The following GMDS variants were observed in gnomAD, a reference collection of about 807,000 sequenced individuals.
GMDS encodes GDP-mannose 4,6 dehydratase.
Under a neutral mutation model 49.9 loss-of-function variants are expected in GMDS, and 20 were observed. That is an observed-to-expected ratio of 0.40 (90% CI 0.28 to 0.58). GMDS has a LOEUF of 0.58. Ranked by LOEUF, GMDS falls within the 20% of genes least tolerant of loss-of-function variation. GMDS has a pLI of 0.42. For missense variants in GMDS, 362 were observed against 481.4 expected (o/e 0.75, Z 2.32); for synonymous variants, 177 against 178.6 (o/e 0.99, Z 0.07).
chr6:1,861,225 C>G (rs1758167980), intron 7 of GMDS, among the ~76,000 whole-genome samples: 1 of 152,220 alleles, frequency 6.6e-6, no homozygotes, highest in African/African-American at 2.4e-5. Context: ...CGACTGACAT[C>G]TCTAAAGTTC....
chr6:1,681,692 C>A (rs561152172), intron 9 of GMDS, among the ~76,000 whole-genome samples: 2 of 152,330 alleles, frequency 1.3e-5, no homozygotes, highest in South Asian at 4.1e-4. Context: ...TGCCGTGAAT[C>A]TGATTTTCAA....
chr6:1,837,153 G>A (rs1465851625), intron 7 of GMDS, among the ~76,000 whole-genome samples: 2 of 152,286 alleles, frequency 1.3e-5, no homozygotes, highest in African/African-American at 4.8e-5. Context: ...TTAGGGAAAA[G>A]ACAACCAATT....
At chr6:2,195,092 A>C (rs577006773) in intron 1 of GMDS, among the ~76,000 whole-genome samples, 1 of 152,368 alleles carries the variant, frequency 6.6e-6, no homozygotes, top group African/African-American at 2.4e-5. Context: ...CAAGGGTAAA[A>C]TCATAGTAAT....
chr6:1,884,021 G>A (rs59514691), intron 7 of GMDS, among the ~76,000 whole-genome samples: 1 of 152,090 alleles, frequency 6.6e-6, no homozygotes, highest in Non-Finnish European at 1.5e-5. Flanking sequence ...TTTTTAACTA[G>A]TAAAGATTTT....
chr6:1,687,413 G>A (rs528809838), intron 9 of GMDS, among the ~76,000 whole-genome samples: 5 of 152,224 alleles, frequency 3.3e-5, no homozygotes, highest in Non-Finnish European at 7.3e-5. Context: ...GATCAGACAG[G>A]TGGTAGGTAT....
intron 1 of GMDS, among the ~76,000 whole-genome samples, chr6:2,179,637 T>A (rs750537082): frequency 3.3e-5 from 5 of 152,154 alleles, no homozygotes; most frequent in Non-Finnish European, 7.3e-5. Context: ...CTTCTCAGCC[T>A]CCAGAATTTG....
At chr6:1,686,031 G>A (rs936336283) in intron 9 of GMDS, among the ~76,000 whole-genome samples, 44 of 152,162 alleles carry the variant, frequency 2.9e-4, no homozygotes, top group African/African-American at 1.1e-3. Context: ...GAGACAAGAA[G>A]TCGCTCCACA....
At chr6:1,967,956 G>A (rs779221518) in intron 4 of GMDS, among the ~76,000 whole-genome samples, 17 of 152,180 alleles carry the variant, frequency 1.1e-4, no homozygotes, top group Non-Finnish European at 1.6e-4. Flanking sequence ...GAAAGTTCAC[G>A]TGTCAATTCT....
At chr6:2,114,873 G>A (rs1478227292) in intron 4 of GMDS, among the ~76,000 whole-genome samples, 1 of 151,906 alleles carries the variant, frequency 6.6e-6, no homozygotes, top group East Asian at 1.9e-4. Context: ...TGCAAACATG[G>A]GGATACAGAA....
intron 8 of GMDS, among the ~76,000 whole-genome samples, chr6:1,734,882 G>C (rs957269687): frequency 7.2e-5 from 11 of 152,174 alleles, no homozygotes; most frequent in African/African-American, 2.7e-4. Flanking sequence ...GTAACAAGAA[G>C]ACAAGACCAG....
intron 1 of GMDS, among the ~76,000 whole-genome samples, chr6:2,182,514 T>A (rs1412481792): frequency 1.3e-5 from 2 of 152,214 alleles, no homozygotes; most frequent in African/African-American, 4.8e-5. Flanking sequence ...CTCTCTTGTT[T>A]GGGACTAATC....
chr6:2,223,162 C>T (rs1000838304), intron 1 of GMDS, among the ~76,000 whole-genome samples: 13 of 150,492 alleles, frequency 8.6e-5, no homozygotes, highest in African/African-American at 3.2e-4. Context: ...TATATATATA[C>T]ACACATATAT....
At chr6:2,056,473 C>T (rs547069317) in intron 4 of GMDS, among the ~76,000 whole-genome samples, 13 of 152,266 alleles carry the variant, frequency 8.5e-5, no homozygotes, top group African/African-American at 3.1e-4. Flanking sequence ...TAATGTCAGA[C>T]TCTGACAGAT....
chr6:1,689,882 A>G (rs546932803), intron 9 of GMDS, among the ~76,000 whole-genome samples: 1 of 143,766 alleles, frequency 7.0e-6, no homozygotes, highest in South Asian at 2.4e-4. Flanking sequence ...GGCTTACAAC[A>G]GCATAGAAAA....
At chr6:1,769,715 T>A (rs892501219) in intron 7 of GMDS, among the ~76,000 whole-genome samples, 5 of 152,166 alleles carry the variant, frequency 3.3e-5, no homozygotes, top group African/African-American at 7.2e-5. Flanking sequence ...TTTTATTTTT[T>A]TTTTTGAGAC....
intron 4 of GMDS, among the ~76,000 whole-genome samples, chr6:1,990,099 A>G (rs771129918): frequency 9.9e-5 from 15 of 152,208 alleles, no homozygotes; most frequent in Admixed American, 5.9e-4. Flanking sequence ...GATCGAGACC[A>G]TCTTGGCTAA....
chr6:1,899,997 T>G (rs1184084895), intron 7 of GMDS, among the ~76,000 whole-genome samples: 2 of 151,492 alleles, frequency 1.3e-5, no homozygotes, highest in Non-Finnish European at 2.9e-5. Flanking sequence ...GTGGAGACCT[T>G]CCACAGGGCA....
chr6:1,813,472 T>C (rs1770531309), intron 7 of GMDS, among the ~76,000 whole-genome samples: 1 of 152,136 alleles, frequency 6.6e-6, no homozygotes, highest in Non-Finnish European at 1.5e-5. Flanking sequence ...GAAAAAGAAA[T>C]AACTTTTTGA....
At chr6:1,667,996 G>A (rs1764289215) in intron 9 of GMDS, among the ~76,000 whole-genome samples, 1 of 152,166 alleles carries the variant, frequency 6.6e-6, no homozygotes, top group Admixed American at 6.5e-5. Context: ...CGGGAGTCTG[G>A]CCTATGCACA....
Sources: allele counts gnomAD v4.1 joint callset (sites outside exome capture counted in the v4.1 genomes callset), GRCh38; gene constraint gnomAD v4.1.1; transcripts MANE v1.5; gene names NCBI Gene and HGNC (gene_info 2026-07-23, HGNC 2026-07-21).